Variants in SASH1 observed in about 807,000 individuals in gnomAD.
SASH1 encodes SAM and SH3 domain containing 1, also known as SAM and SH3 domain-containing protein 1.
In SASH1, 44 loss-of-function variants were observed where a neutral mutation model predicts 125.2. The ratio of observed to expected loss-of-function variants is 0.35; its 90% confidence interval spans 0.28 to 0.45. The LOEUF (loss-of-function observed/expected upper bound fraction) is 0.45, where lower values mean the gene tolerates loss of function less well. Among genes scored for constraint, SASH1 ranks in the 20% least tolerant of loss-of-function variants. The pLI is 1.00. For missense variants in SASH1, 1,426 were observed against 1,614.5 expected (o/e 0.88, Z 2.00); for synonymous variants, 639 against 649.1 (o/e 0.98, Z 0.24).
intron 4 of SASH1, among the ~76,000 whole-genome samples, chr6:148,466,234 C>G (rs879273579): frequency 6.6e-6 from 1 of 152,226 alleles, no homozygotes; most frequent in Non-Finnish European, 1.5e-5. Context: ...CTCTTGTCCT[C>G]TCTAGCGGTT....
At chr6:148,531,501 T>C in intron 12 of SASH1, 25 bp from the exon 13 acceptor site, 1 of 1,462,812 alleles carries the variant, frequency 6.8e-7, no homozygotes, top group Non-Finnish European at 9.1e-7. Context: ...GATGAACTTC[T>C]TCATTTTGTT....
chr6:148,411,028 G>A (rs911798173), intron 2 of SASH1, among the ~76,000 whole-genome samples: 5 of 151,890 alleles, frequency 3.3e-5, no homozygotes, highest in Middle Eastern at 3.2e-3. Flanking sequence ...GCATGGTGGC[G>A]CATGCCTGTA....
chr6:148,473,555 A>G (rs1001311022), intron 6 of SASH1, among the ~76,000 whole-genome samples: 2 of 152,198 alleles, frequency 1.3e-5, no homozygotes, highest in Non-Finnish European at 2.9e-5. Flanking sequence ...TGCCCGGTGC[A>G]CTTAGTTTTG....
intron 1 of SASH1, among the ~76,000 whole-genome samples, chr6:148,300,734 C>G (rs933916032): frequency 6.6e-6 from 1 of 152,028 alleles, no homozygotes; most frequent in Non-Finnish European, 1.5e-5. Context: ...CTGCCTGCCT[C>G]GGCCTCCCAA....
At chr6:148,217,879 G>A in the SASH1 span, among the ~76,000 whole-genome samples, 1 of 151,504 alleles carries the variant, frequency 6.6e-6, no homozygotes, top group African/African-American at 2.4e-5. Flanking sequence ...GCCGGGTGTG[G>A]TGGTGTGTGT....
At chr6:148,307,223 A>G (rs1780169384) in intron 1 of SASH1, among the ~76,000 whole-genome samples, 1 of 151,856 alleles carries the variant, frequency 6.6e-6, no homozygotes, top group South Asian at 2.1e-4. Context: ...GGTTCAAGCG[A>G]TTCTCCTGCC....
rs1782739882 is a variant in SASH1 at position 148,549,047 on chromosome 6, A to G, written c.*489A>G. On this transcript the variant is annotated 3_prime_UTR_variant, in exon 20 of 20. Transcript: ENST00000367467. ...CCACGCTCATTTGTTCAAAAGTTAG[A>G]ACATCTGGCTGCACCAGGAAAAAAA... is the stretch of plus-strand genomic sequence containing the variant. The G allele has an allele frequency of 6.5e-6, 1 of 154,166 alleles. No homozygotes were observed. The allele number at this position is 154,166 out of a possible 1,614,324, so 9.5% of individuals were successfully genotyped here.
At chr6:148,443,492 T>TATA (rs1776642611) in intron 4 of SASH1, among the ~76,000 whole-genome samples, 2 of 95,526 alleles carry the variant, frequency 2.1e-5, no homozygotes, top group African/African-American at 3.7e-5. Flanking sequence ...TATATATATT[T>TATA]TATATATATG....
intron 1 of SASH1, among the ~76,000 whole-genome samples, chr6:148,330,415 G>A (rs1780958376): frequency 6.6e-6 from 1 of 152,126 alleles, no homozygotes; most frequent in Admixed American, 6.6e-5. Context: ...TTAAGAGCAA[G>A]AGAGACAGCC....
At chr6:148,383,926 G>T (rs1408977157) in intron 1 of SASH1, among the ~76,000 whole-genome samples, 1 of 152,134 alleles carries the variant, frequency 6.6e-6, no homozygotes, top group East Asian at 1.9e-4. Flanking sequence ...TTTTATGTTG[G>T]TTGTATGAAA....
intron 12 of SASH1, among the ~76,000 whole-genome samples, chr6:148,530,832 T>G (rs944940424): frequency 3.3e-5 from 5 of 152,220 alleles, no homozygotes; most frequent in Non-Finnish European, 7.4e-5. Context: ...CTACTCAAAA[T>G]GCAGGAAGTA....
intron 1 of SASH1, among the ~76,000 whole-genome samples, chr6:148,290,500 G>GTCCC: frequency 6.6e-6 from 1 of 152,070 alleles, no homozygotes; most frequent in East Asian, 2.0e-4. Flanking sequence ...CAGCTACTCG[G>GTCCC]GAGGCTGAGG....
intron 4 of SASH1, among the ~76,000 whole-genome samples, chr6:148,450,367 C>A (rs1173165545): frequency 6.6e-6 from 1 of 152,148 alleles, no homozygotes; most frequent in Non-Finnish European, 1.5e-5. Flanking sequence ...TAACCTCATA[C>A]CTCCATATAA....
the SASH1 span, among the ~76,000 whole-genome samples, chr6:148,198,821 A>AGATTT: frequency 6.6e-6 from 1 of 152,210 alleles, no homozygotes; most frequent in Non-Finnish European, 1.5e-5. Flanking sequence ...ATCCAGGGAC[A>AGATTT]GTTTTGTTTT....
chr6:148,324,118 C>CAAAAAAAAAAAAAAAAAAAAAAAA (rs56950339), intron 1 of SASH1, among the ~76,000 whole-genome samples: 1 of 59,426 alleles, frequency 1.7e-5, no homozygotes. Flanking sequence ...GAATCTGTCT[C>CAAAAAAAAAAAAAAAAAAAAAAAA]AAAAAAAAAA....
At chr6:148,282,352 T>C (rs1779363641) in intron 1 of SASH1, among the ~76,000 whole-genome samples, 1 of 151,402 alleles carries the variant, frequency 6.6e-6, no homozygotes, top group Admixed American at 6.6e-5. Context: ...CTTCTCAGGC[T>C]CCATCCTTCA....
At chr6:148,540,934 T>C (rs1015359407) in intron 17 of SASH1, among the ~76,000 whole-genome samples, 3 of 152,192 alleles carry the variant, frequency 2.0e-5, no homozygotes, top group African/African-American at 7.2e-5. Context: ...CTGCATGGCC[T>C]GAATGTCGAG....
chr6:148,333,830 T>G (rs1222233452), intron 1 of SASH1, among the ~76,000 whole-genome samples: 1 of 151,352 alleles, frequency 6.6e-6, no homozygotes, highest in Non-Finnish European at 1.5e-5. Context: ...AGATAAAATA[T>G]CCTTCTTTTT....
the SASH1 span, among the ~76,000 whole-genome samples, chr6:148,204,876 C>T: frequency 5.8e-3 from 885 of 152,164 alleles, 9 homozygotes; most frequent in African/African-American, 0.02. Flanking sequence ...CATAATAATA[C>T]CTTACATTTG....
Sources: gnomAD v4.1 joint callset for allele counts (sites outside exome capture counted in the v4.1 genomes callset) on GRCh38, gnomAD v4.1.1 for gene constraint, MANE v1.5 for transcripts, NCBI Gene and HGNC (gene_info 2026-07-23, HGNC 2026-07-21) for gene names.